The following AOPEP variants were observed in gnomAD, a reference collection of about 807,000 sequenced individuals.
AOPEP encodes aminopeptidase O (putative).
In AOPEP, 77 loss-of-function variants were observed where a neutral mutation model predicts 98.1. The observed-to-expected ratio is 0.78, with a 90% CI of 0.65 to 0.95. The LOEUF is 0.95. AOPEP is among the 40% of genes least tolerant of loss of function. The pLI, the probability that AOPEP is intolerant of heterozygous loss-of-function variation, is 0.00. For synonymous variants in AOPEP, 346 were observed against 365.3 expected (o/e 0.95, Z 0.60); for missense variants, 1,024 against 1,024.7 (o/e 1.00, Z 0.01).
intron 7 of AOPEP, chr9:94,931,575 G>A: frequency 1.6e-6 from 1 of 615,488 alleles, no homozygotes; most frequent in Middle Eastern, 2.9e-4. Flanking sequence ...TTTGTTCTCA[G>A]ATTTTGTTTT....
chr9:95,129,166 G>C, the AOPEP span, among the ~76,000 whole-genome samples: 7 of 152,082 alleles, frequency 4.6e-5, no homozygotes, highest in African/African-American at 7.2e-5. Flanking sequence ...AGTCTCCCTT[G>C]CTACCCCTAC....
At chr9:94,778,443 CA>C (rs34475660) in intron 3 of AOPEP, among the ~76,000 whole-genome samples, 22,993 of 137,556 alleles carry the variant, frequency 0.17, 1,879 homozygotes, top group Admixed American at 0.22. Context: ...ACTGATAAAT[CA>C]AAAAAAAAAA....
At chr9:95,117,367 G>A in the AOPEP span, 3 of 1,614,094 alleles carry the variant, frequency 1.9e-6, no homozygotes. Flanking sequence ...TGTAAGGAAA[G>A]TAGGTCTTGA....
At chr9:95,143,302 A>C in the AOPEP span, among the ~76,000 whole-genome samples, 180 of 152,210 alleles carry the variant, frequency 1.2e-3, no homozygotes, top group Non-Finnish European at 1.6e-3. Flanking sequence ...TTTGAACCCC[A>C]CAGTTTAGGT....
chr9:94,926,480 C>T (rs1024978004), intron 6 of AOPEP, among the ~76,000 whole-genome samples: 7 of 152,196 alleles, frequency 4.6e-5, no homozygotes, highest in Admixed American at 2.0e-4. Context: ...ACATGAATAT[C>T]CCTGAGGCAA....
chr9:95,099,155 A>G, the AOPEP span: 5,601 of 215,522 alleles, frequency 0.026, 107 homozygotes, highest in Admixed American at 0.044. Context: ...GTCCAGGGGA[A>G]TAACAGCCTG....
At chr9:95,072,399 T>C (rs917593432) in intron 14 of AOPEP, among the ~76,000 whole-genome samples, 26 of 152,206 alleles carry the variant, frequency 1.7e-4, no homozygotes, top group African/African-American at 6.3e-4. Flanking sequence ...GGCTTATGTT[T>C]GTAATCCCAG....
At chr9:95,133,649 G>T in the AOPEP span, among the ~76,000 whole-genome samples, 1 of 152,168 alleles carries the variant, frequency 6.6e-6, no homozygotes, top group Non-Finnish European at 1.5e-5. Flanking sequence ...GGAAAGGCTG[G>T]AAAAAAGGCA....
chr9:94,761,256 G>A (rs1838223554), intron 2 of AOPEP, among the ~76,000 whole-genome samples: 1 of 152,212 alleles, frequency 6.6e-6, no homozygotes, highest in African/African-American at 2.4e-5. Flanking sequence ...ATTGATGGAG[G>A]TGTCGTTTTC....
At chr9:95,110,885 G>C in the AOPEP span, 1 of 1,251,862 alleles carries the variant, frequency 8.0e-7, no homozygotes, top group Non-Finnish European at 1.0e-6. Context: ...CAGTTATCCA[G>C]TCCCATACTT....
the AOPEP span, among the ~76,000 whole-genome samples, chr9:95,138,853 C>T: frequency 2.0e-5 from 3 of 152,188 alleles, no homozygotes; most frequent in East Asian, 3.9e-4. Flanking sequence ...CAGTAAAGTG[C>T]GTGATGCGCC....
the AOPEP span, chr9:95,101,637 T>C: frequency 1.1e-5 from 17 of 1,585,150 alleles, no homozygotes; most frequent in South Asian, 2.2e-5. Context: ...TGGCCACAGG[T>C]CATCACCTGT....
intron 2 of AOPEP, among the ~76,000 whole-genome samples, chr9:94,761,020 A>G (rs1838159252): frequency 1.3e-5 from 2 of 152,188 alleles, no homozygotes; most frequent in South Asian, 4.1e-4. Flanking sequence ...GTGCTTTCAA[A>G]TAAAGCCAGC....
chr9:94,761,117 C>G (rs560814347), intron 2 of AOPEP, among the ~76,000 whole-genome samples: 15 of 152,166 alleles, frequency 9.9e-5, no homozygotes, highest in African/African-American at 2.7e-4. Flanking sequence ...GTGACCCCCC[C>G]CAAAGCATAC....
At chr9:95,111,442 G>T in the AOPEP span, 2 of 1,607,868 alleles carry the variant, frequency 1.2e-6, no homozygotes, top group Non-Finnish European at 1.7e-6. Flanking sequence ...CCAAACACAT[G>T]CAGTGGGGCC....
At chr9:95,148,778 A>G in the AOPEP span, among the ~76,000 whole-genome samples, 1 of 152,240 alleles carries the variant, frequency 6.6e-6, no homozygotes, top group Admixed American at 6.5e-5. Context: ...TTCTAATGTA[A>G]CAGAGTATGG....
intron 11 of AOPEP, among the ~76,000 whole-genome samples, chr9:94,996,288 A>G (rs1373896797): frequency 6.6e-6 from 1 of 151,248 alleles, no homozygotes; most frequent in Non-Finnish European, 1.5e-5. Flanking sequence ...GCTTTCTCTC[A>G]TATCTTATTT....
intron 5 of AOPEP, among the ~76,000 whole-genome samples, chr9:94,836,881 C>T (rs374123736): frequency 7.3e-5 from 11 of 150,986 alleles, no homozygotes; most frequent in Admixed American, 3.9e-4. Context: ...TTGTATGGTG[C>T]GAGGATTAGT....
chr9:95,020,409 G>T (rs981210007), intron 13 of AOPEP, among the ~76,000 whole-genome samples: 2 of 152,166 alleles, frequency 1.3e-5, no homozygotes, highest in Non-Finnish European at 2.9e-5. Flanking sequence ...TTCCATTTGG[G>T]CTAGAAGTAA....
Sources: gnomAD v4.1 joint callset for allele counts (sites outside exome capture counted in the v4.1 genomes callset) on GRCh38, gnomAD v4.1.1 for gene constraint, MANE v1.5 for transcripts, NCBI Gene and HGNC (gene_info 2026-07-23, HGNC 2026-07-21) for gene names.